OOSP1: variants seen among roughly 807,000 people sequenced by gnomAD.
The protein encoded by OOSP1 is oocyte secreted protein 1, also known as putative oocyte-secreted protein 1 homolog.
Under a neutral mutation model 5.7 loss-of-function variants are expected in OOSP1, and 11 were observed. The observed-to-expected ratio is 1.94, with a 90% CI of 1.22 to 3.20. The LOEUF (loss-of-function observed/expected upper bound fraction) is 3.20. Ranked by LOEUF, OOSP1 falls within the 30% of genes most tolerant of loss-of-function variation. The pLI is 0.00. For synonymous variants in OOSP1, 44 were observed against 20.0 expected (o/e 2.20, Z -3.20); for missense variants, 83 against 54.1 (o/e 1.53, Z -1.67).
At chr11:59,940,662 T>C (rs1853815431) in intron 1 of OOSP1, among the ~76,000 whole-genome samples, 1 of 152,232 alleles carries the variant, frequency 6.6e-6, no homozygotes, top group South Asian at 2.1e-4. Flanking sequence ...ATAATGTTTG[T>C]ATTTGAGTGG....
At chr11:59,939,006 G>C (rs1853798348) in intron 1 of OOSP1, among the ~76,000 whole-genome samples, 1 of 152,096 alleles carries the variant, frequency 6.6e-6, no homozygotes, top group Non-Finnish European at 1.5e-5. Flanking sequence ...GGTGAGCAGT[G>C]GTCCAGGTTT....
intron 4 of OOSP1, among the ~76,000 whole-genome samples, chr11:59,951,156 G>A (rs1287783326): frequency 1.3e-5 from 2 of 151,966 alleles, no homozygotes; most frequent in Non-Finnish European, 2.9e-5. Context: ...ATAAAAAAAG[G>A]TGGGTAGAAG....
At chr11:59,947,392 G>A (rs1205934756) in intron 3 of OOSP1, among the ~76,000 whole-genome samples, 1 of 152,054 alleles carries the variant, frequency 6.6e-6, no homozygotes, top group Non-Finnish European at 1.5e-5. Flanking sequence ...ACGTAGCTGG[G>A]ACTATAGGCA....
At chr11:59,946,472 G>C (rs930501763) in intron 3 of OOSP1, among the ~76,000 whole-genome samples, 2 of 152,104 alleles carry the variant, frequency 1.3e-5, no homozygotes, top group African/African-American at 4.8e-5. Context: ...ATTCGAGTGG[G>C]GACACAGATT....
At chr11:59,941,958 G>T (rs966096447) in intron 1 of OOSP1, among the ~76,000 whole-genome samples, 2 of 152,078 alleles carry the variant, frequency 1.3e-5, no homozygotes, top group African/African-American at 4.8e-5. Context: ...TTCCATAATG[G>T]CTGATGATAT....
At chr11:59,940,765 C>A (rs1166808175) in intron 1 of OOSP1, among the ~76,000 whole-genome samples, 1 of 152,124 alleles carries the variant, frequency 6.6e-6, no homozygotes, top group Non-Finnish European at 1.5e-5. Context: ...TTCTTTAATT[C>A]TAATTGGTGC....
At chr11:59,941,759 T>G (rs1853829109) in intron 1 of OOSP1, among the ~76,000 whole-genome samples, 1 of 152,140 alleles carries the variant, frequency 6.6e-6, no homozygotes, top group East Asian at 1.9e-4. Context: ...AGTCATATGG[T>G]TGTTGTATGT....
chr11:59,946,179 G>T (rs1450278522), intron 3 of OOSP1, among the ~76,000 whole-genome samples: 2 of 152,176 alleles, frequency 1.3e-5, no homozygotes, highest in East Asian at 3.8e-4. Context: ...AGTGGCATTG[G>T]ATTCTCATAG....
At chr11:59,957,118 A>G (rs906130031) in intron 4 of OOSP1, 77 bp from the exon 5 acceptor site, 5 of 394,748 alleles carry the variant, frequency 1.3e-5, no homozygotes, top group Non-Finnish European at 2.2e-5. Context: ...AAAACTTTGA[A>G]TGCTTCTTTG....
chr11:59,953,829 C>A (rs1424438021), intron 4 of OOSP1, among the ~76,000 whole-genome samples: 6 of 152,248 alleles, frequency 3.9e-5, no homozygotes, highest in Non-Finnish European at 8.8e-5. Context: ...ATGAATTAAA[C>A]CTCTTAAGCA....
At chr11:59,948,675 T>A in intron 4 of OOSP1, 1 of 397,766 alleles carries the variant, frequency 2.5e-6, no homozygotes, top group South Asian at 1.3e-4. Flanking sequence ...TTGGGACGTA[T>A]ATTTTACTGT....
intron 4 of OOSP1, among the ~76,000 whole-genome samples, chr11:59,954,306 C>T (rs1291034962): frequency 1.3e-5 from 2 of 151,898 alleles, no homozygotes; most frequent in African/African-American, 2.4e-5. Flanking sequence ...CTCAGCTCTG[C>T]CCTTGTTCCA....
At chr11:59,954,375 A>T (rs570373973) in intron 4 of OOSP1, among the ~76,000 whole-genome samples, 289 of 148,856 alleles carry the variant, frequency 1.9e-3, no homozygotes, top group Non-Finnish European at 3.3e-3. Flanking sequence ...ATTCTAATAA[A>T]TTTTTTTTTT....
chr11:59,953,274 T>A (rs1308893686), intron 4 of OOSP1, among the ~76,000 whole-genome samples: 1 of 152,044 alleles, frequency 6.6e-6, no homozygotes, highest in Non-Finnish European at 1.5e-5. Context: ...CCAGAGCAAC[T>A]TTTCCCCTGT....
chr11:59,947,102 G>T (rs1010439465), intron 3 of OOSP1, among the ~76,000 whole-genome samples: 1 of 151,988 alleles, frequency 6.6e-6, no homozygotes, highest in Non-Finnish European at 1.5e-5. Context: ...GGTTTTTCTG[G>T]TTAAAATCCT....
chr11:59,947,589 G>T (rs759548377), intron 3 of OOSP1, 144 bp from the exon 4 acceptor site: 2 of 391,438 alleles, frequency 5.1e-6, no homozygotes, highest in Non-Finnish European at 9.0e-6. Context: ...CTGGGGTGGG[G>T]TGTGTTGGGG....
intron 4 of OOSP1, among the ~76,000 whole-genome samples, chr11:59,950,810 GA>G (rs1229053447): frequency 6.6e-6 from 1 of 152,038 alleles, no homozygotes; most frequent in African/African-American, 2.4e-5. Context: ...GCTGTAAAGA[GA>G]AAAATAGAAA....
intron 4 of OOSP1, among the ~76,000 whole-genome samples, chr11:59,955,678 G>A (rs1242134997): frequency 6.6e-6 from 1 of 151,916 alleles, no homozygotes; most frequent in Non-Finnish European, 1.5e-5. Context: ...GAGTGCAGAG[G>A]CATGCCTATG....
chr11:59,955,620 TA>T (rs758755819), intron 4 of OOSP1, among the ~76,000 whole-genome samples: 2 of 151,192 alleles, frequency 1.3e-5, no homozygotes, highest in Non-Finnish European at 2.9e-5. Context: ...ATAGATCATC[TA>T]TTTTTTTTTT....
Sources: gnomAD v4.1 joint callset for allele counts (sites outside exome capture counted in the v4.1 genomes callset) on GRCh38, gnomAD v4.1.1 for gene constraint, MANE v1.5 for transcripts, NCBI Gene and HGNC (gene_info 2026-07-23, HGNC 2026-07-21) for gene names.